FCRL4: variants seen among roughly 807,000 people sequenced by gnomAD.
FCRL4 encodes Fc receptor-like protein 4.
FCRL4 carries 43 observed loss-of-function variants against 64.1 expected under a neutral mutation model. The observed-to-expected ratio is 0.67, with a 90% CI of 0.53 to 0.87. The LOEUF (loss-of-function observed/expected upper bound fraction) is 0.87. Ranked by LOEUF, FCRL4 falls within the 40% of genes least tolerant of loss-of-function variation. The probability of loss-of-function intolerance (pLI) is 0.00; values close to 1 mark genes in which losing one functional copy is unlikely to be tolerated. For missense variants in FCRL4, 656 were observed against 613.5 expected (o/e 1.07, Z -0.73); for synonymous variants, 253 against 239.8 (o/e 1.05, Z -0.51).
intron 8 of FCRL4, among the ~76,000 whole-genome samples, chr1:157,579,704 ATACATACATACATAC>A (rs1558153058): frequency 4.6e-4 from 52 of 114,048 alleles, no homozygotes; most frequent in South Asian, 1.7e-3. Flanking sequence ...GTGACAATAC[ATACATACATACATAC>A]ATACATACAT....
At chr1:157,590,518 C>CTTTT (rs143709985) in intron 2 of FCRL4, among the ~76,000 whole-genome samples, 2 of 132,404 alleles carry the variant, frequency 1.5e-5, no homozygotes, top group African/African-American at 2.8e-5. Flanking sequence ...GTTAGTCTGT[C>CTTTT]TTTTTTTTTT....
rs143709985 is a variant in FCRL4 at position 157,590,518 on chromosome 1, C to CT, written c.53-1061dup. 3.2e-3 allele frequency among the ~76,000 whole-genome samples: 430 copies of CT among 132,378 alleles called. 1 individual carries two copies. The highest frequency in any genetic ancestry group is 7.0e-3 in the South Asian group (29 of 4,142). The allele number at this position is 132,378 out of a possible 152,430, so 86.8% of individuals were successfully genotyped here. Reference sequence around the variant, plus strand: ...AACCTTTTTTCACTTGTTAGTCTGTCTTTTTTTTTTTTTTTTTTAGACAGA... The same window carrying CT: ...AACCTTTTTTCACTTGTTAGTCTGTCTTTTTTTTTTTTTTTTTTTAGACAGA... On this transcript the variant is annotated intron_variant, in intron 2 of 11. Coordinates refer to ENST00000271532, the MANE Select transcript of FCRL4 (RefSeq NM_031282.3).
At chr1:157,592,352 CA>C (rs2101686912) in intron 2 of FCRL4, among the ~76,000 whole-genome samples, 1 of 151,888 alleles carries the variant, frequency 6.6e-6, no homozygotes, top group Non-Finnish European at 1.5e-5. Context: ...ACCCATCTGA[CA>C]AAGGCTAATA....
At chr1:157,582,838 T>A (rs1652591971) in intron 6 of FCRL4, among the ~76,000 whole-genome samples, 1 of 152,182 alleles carries the variant, frequency 6.6e-6, no homozygotes. Flanking sequence ...GACAGAAATC[T>A]AAGGACAGAG....
intron 11 of FCRL4, 36 bp from the exon 12 acceptor site, chr1:157,575,646 G>T (rs1343686555): frequency 3.1e-6 from 5 of 1,611,048 alleles, no homozygotes; most frequent in South Asian, 1.1e-5. Context: ...CCGAGAGGGA[G>T]TGTGAGGCTG....
At chr1:157,584,036 G>C (rs976191736) in intron 6 of FCRL4, among the ~76,000 whole-genome samples, 2 of 152,194 alleles carry the variant, frequency 1.3e-5, no homozygotes, top group African/African-American at 4.8e-5. Flanking sequence ...TGGATCAGGA[G>C]AAGCTGATCC....
chr1:157,592,959 C>T (rs1652871135), intron 2 of FCRL4, among the ~76,000 whole-genome samples: 2 of 152,140 alleles, frequency 1.3e-5, no homozygotes, highest in Non-Finnish European at 2.9e-5. Context: ...AGCTGGAAAC[C>T]ATCATTCTCG....
chr1:157,582,997 T>C (rs1326228621), intron 6 of FCRL4, among the ~76,000 whole-genome samples: 1 of 152,232 alleles, frequency 6.6e-6, no homozygotes, highest in Non-Finnish European at 1.5e-5. Flanking sequence ...GGTAACCCTA[T>C]TTCCTAAAAG....
At chr1:157,587,789 G>T (rs191609924) in intron 4 of FCRL4, 76 bp downstream of exon 4, 2 of 1,418,570 alleles carry the variant, frequency 1.4e-6, no homozygotes, top group Non-Finnish European at 1.9e-6. Context: ...ATAGTAACCC[G>T]TAAATTCTTT....
At position 157,582,714 on chromosome 1, in the gene FCRL4, A is replaced by G. The variant is rs1652589568; in HGVS notation, c.1136-1070T>C. Among the ~76,000 whole-genome samples the G allele has an allele frequency of 1.3e-5, 2 of 152,330 alleles. 1 individual carries two copies. The highest frequency in any genetic ancestry group is 6.8e-3 in the Middle Eastern group (2 of 294). On this transcript the variant is annotated intron_variant, in intron 6 of 11. Coordinates refer to ENST00000271532, the MANE Select transcript of FCRL4 (RefSeq NM_031282.3). ...TGATATTATCCTTCCCTCCTCAACA[A>G]TATCAACAAACCTGCCCTTTGACCT...
chr1:157,579,702 AC>A (rs869110644), intron 8 of FCRL4, among the ~76,000 whole-genome samples: 56,533 of 113,760 alleles, frequency 0.5, 10,990 homozygotes, highest in African/African-American at 0.64. Context: ...GGGTGACAAT[AC>A]ATACATACAT....
intron 10 of FCRL4, among the ~76,000 whole-genome samples, chr1:157,578,265 G>A (rs1367936263): frequency 6.6e-6 from 1 of 152,068 alleles, no homozygotes; most frequent in Non-Finnish European, 1.5e-5. Flanking sequence ...TTTTCATCCT[G>A]ATCATCAGCA....
intron 2 of FCRL4, among the ~76,000 whole-genome samples, chr1:157,594,737 A>T (rs1392815413): frequency 6.6e-6 from 1 of 152,228 alleles, no homozygotes; most frequent in Non-Finnish European, 1.5e-5. Flanking sequence ...TGCCCAGAAG[A>T]ACTTCCCAAA....
intron 2 of FCRL4, among the ~76,000 whole-genome samples, chr1:157,592,005 T>C (rs1652849443): frequency 1.3e-5 from 2 of 152,350 alleles, no homozygotes; most frequent in East Asian, 1.9e-4. Flanking sequence ...AACGATTCCC[T>C]ATTTAATAAA....
Position 157,578,506 on chromosome 1 carries a change from A to G in FCRL4, c.1397T>C (p.Ile466Thr). Residue 466 changes from isoleucine (I) to threonine (T), a missense_variant, in exon 10 of 12, where the codon ATC becomes ACC. Physicochemically the swap from Ile to Thr is moderately conservative, Grantham distance 89. Coordinates refer to ENST00000271532, the MANE Select transcript of FCRL4 (RefSeq NM_031282.3). ...TTCTTCTCCCAGCTGAGTAGTCTGG[A>G]TCTCAGAGTATACCAAATCTCCCTT... is the stretch of plus-strand genomic sequence containing the variant. ...PKKGDLVYSE[I>T]QTTQLGEEEE... 6.2e-7 allele frequency: 1 copy of G among 1,614,018 alleles called. No individual in the cohort carries two copies. Among genetic ancestry groups the G allele is most frequent in the Non-Finnish European group, 8.5e-7 (1 of 1,179,852 alleles).
chr1:157,591,216 T>C (rs954535508), intron 2 of FCRL4, among the ~76,000 whole-genome samples: 1 of 152,236 alleles, frequency 6.6e-6, no homozygotes, highest in Non-Finnish European at 1.5e-5. Flanking sequence ...TCTTCTTTCC[T>C]AAAGTAGAGA....
At chr1:157,597,617 C>T (rs553757102) in intron 1 of FCRL4, among the ~76,000 whole-genome samples, 8 of 152,274 alleles carry the variant, frequency 5.3e-5, no homozygotes, top group South Asian at 2.1e-4. Context: ...TGCTCTGTGA[C>T]GTAGGGACTG....
At chr1:157,585,311 T>TTTCC (rs922675745) in intron 6 of FCRL4, among the ~76,000 whole-genome samples, 1 of 147,966 alleles carries the variant, frequency 6.8e-6, no homozygotes, top group African/African-American at 2.5e-5. Flanking sequence ...TCTTTCCTCC[T>TTTCC]TTCCTTCCTT....
intron 5 of FCRL4, among the ~76,000 whole-genome samples, 154 bp downstream of exon 5, chr1:157,587,122 C>T (rs116535637): frequency 1.3e-3 from 197 of 152,306 alleles, no homozygotes; most frequent in African/African-American, 4.5e-3. Context: ...GAAAAGAAGT[C>T]ATGTATTTCT....
Sources: gnomAD v4.1 joint callset for allele counts (sites outside exome capture counted in the v4.1 genomes callset) on GRCh38, gnomAD v4.1.1 for gene constraint, MANE v1.5 for transcripts, NCBI Gene and HGNC (gene_info 2026-07-23, HGNC 2026-07-21) for gene names.